Variants in MLLT10 observed in about 807,000 individuals in gnomAD.
The protein encoded by MLLT10 is protein AF-10.
MLLT10 carries 30 observed loss-of-function variants against 129.1 expected under a neutral mutation model. The ratio of observed to expected loss-of-function variants is 0.23; its 90% CI spans 0.17 to 0.32. MLLT10 has a LOEUF of 0.32. MLLT10 is among the 10% of genes least tolerant of loss of function. The pLI is 1.00. For missense variants in MLLT10, 1,119 were observed against 1,268.3 expected, an observed-to-expected ratio of 0.88 and a Z score of 1.79; for synonymous variants, 490 against 446.4, an observed-to-expected ratio of 1.10 and a Z score of -1.23.
intron 3 of MLLT10, among the ~76,000 whole-genome samples, chr10:21,547,690 CA>C (rs1222031715): frequency 1.3e-5 from 2 of 151,808 alleles, no homozygotes; most frequent in Non-Finnish European, 2.9e-5. Flanking sequence ...AGGCACATGC[CA>C]CCTTGTCCGG....
intron 8 of MLLT10, among the ~76,000 whole-genome samples, chr10:21,633,620 A>C (rs1020361501): frequency 1.1e-4 from 17 of 152,184 alleles, no homozygotes; most frequent in Admixed American, 9.2e-4. Context: ...GCTTGAGCCC[A>C]GGAAGTCGAG....
intron 13 of MLLT10, among the ~76,000 whole-genome samples, chr10:21,685,181 C>A (rs969976516): frequency 6.6e-6 from 1 of 152,018 alleles, no homozygotes; most frequent in Non-Finnish European, 1.5e-5. Flanking sequence ...AAAAAGCTTT[C>A]ATTAGACAGT....
chr10:21,730,106 G>T (rs974447037), intron 16 of MLLT10, among the ~76,000 whole-genome samples: 11 of 151,136 alleles, frequency 7.3e-5, no homozygotes, highest in Non-Finnish European at 1.5e-4. Flanking sequence ...CGTCTCCCCT[G>T]CCCAACCTCC....
chr10:21,654,520 G>T (rs2049363283), intron 9 of MLLT10, among the ~76,000 whole-genome samples: 1 of 151,894 alleles, frequency 6.6e-6, no homozygotes, highest in Non-Finnish European at 1.5e-5. Context: ...AGATTTGAGT[G>T]AAGAAAAAAA....
At chr10:21,648,133 A>G (rs2131313084) in intron 8 of MLLT10, among the ~76,000 whole-genome samples, 1 of 152,312 alleles carries the variant, frequency 6.6e-6, no homozygotes, top group East Asian at 1.9e-4. Context: ...ATTTTCATAT[A>G]TAATTGACTC....
At chr10:21,693,013 A>C (rs2054024305) in intron 13 of MLLT10, among the ~76,000 whole-genome samples, 1 of 148,954 alleles carries the variant, frequency 6.7e-6, no homozygotes, top group African/African-American at 2.5e-5. Context: ...AAAGAAACAG[A>C]AAAAAAAAAT....
At position 21,673,586 on chromosome 10, in the gene MLLT10, C is replaced by A. The variant is rs138211747; in HGVS notation, c.1288C>A (p.Pro430Thr). 4 of 1,613,264 alleles carry A rather than the reference C, an allele frequency of 2.5e-6. No homozygotes were observed. In the South Asian group the frequency reaches 3.3e-5, roughly 13 times the overall value. ...TTCAACCTCAGCTGTTACTTCACAG[C>A]CTAAAAGCTTTGAAAATTCACCTGG... is the stretch of plus-strand genomic sequence containing the variant. ...LPSTSAVTSQ[P>T]KSFENSPGDL... is the part of the protein sequence containing the mutation. Residue 430 changes from proline (P) to threonine (T), a missense_variant, in exon 11 of 23, where the codon CCT (proline) becomes ACT (threonine). By Grantham distance (38) the Pro-to-Thr change is conservative. Transcript: ENST00000307729.
chr10:21,683,747 G>C (rs1264725114), intron 13 of MLLT10, among the ~76,000 whole-genome samples: 1 of 150,990 alleles, frequency 6.6e-6, no homozygotes, highest in African/African-American at 2.4e-5. Flanking sequence ...TGTGTTTGGG[G>C]TTTTGTTTTT....
In MLLT10 at chr10:21,579,437, CTCT is replaced by C. The variant is rs757541361; in HGVS notation, c.241-6849_241-6847del. On this transcript the variant is annotated intron_variant, in intron 3 of 22. Coordinates refer to ENST00000307729, the MANE Select transcript of MLLT10 (RefSeq NM_001195626.3). ...TTCTTTCCTGCCTCATATTCTTTCT[CTCT>C]TCTTCTTTTTAAGGCCTTTGGTTAT... Among the ~76,000 whole-genome samples the C allele has an allele frequency of 7.3e-5, 11 of 150,544 alleles. No homozygotes were observed. In the East Asian group the frequency reaches 7.8e-4, roughly 11 times the overall value.
chr10:21,673,205 A>G, intron 10 of MLLT10, 145 bp from the exon 11 acceptor site: 1 of 468,610 alleles, frequency 2.1e-6, no homozygotes, highest in South Asian at 5.8e-5. Context: ...TAATATACGA[A>G]TGTCCTAAGT....
chr10:21,553,535 C>T (rs1294128893), intron 3 of MLLT10, among the ~76,000 whole-genome samples: 4 of 151,618 alleles, frequency 2.6e-5, no homozygotes, highest in African/African-American at 9.7e-5. Flanking sequence ...CCATATTGGC[C>T]AGGCTGGTCT....
At position 21,716,428 on chromosome 10, in the gene MLLT10, C is replaced by T. The variant is rs376960473; in HGVS notation, c.1878+2478C>T. ...TAATTCTAGGCTGGGCGTGGTGGCT[C>T]ATGCCTGTAATCCCAGCACTTTGGG... On this transcript the variant is annotated intron_variant, in intron 14 of 22. Coordinates refer to ENST00000307729, the MANE Select transcript of MLLT10 (RefSeq NM_001195626.3). Among the ~76,000 whole-genome samples, 7 of 152,302 alleles carry T rather than the reference C, an allele frequency of 4.6e-5. No individual in the cohort carries two copies. In the East Asian group the frequency reaches 7.7e-4, roughly 17 times the overall value.
At chr10:21,612,765 A>G (rs762550364) in intron 6 of MLLT10, among the ~76,000 whole-genome samples, 30 of 152,234 alleles carry the variant, frequency 2.0e-4, no homozygotes, top group Non-Finnish European at 1.8e-4. Flanking sequence ...TAATCTAGGT[A>G]AGCTTAGTGC....
intron 13 of MLLT10, among the ~76,000 whole-genome samples, chr10:21,684,248 A>G (rs1202156550): frequency 6.6e-6 from 1 of 152,012 alleles, no homozygotes; most frequent in Non-Finnish European, 1.5e-5. Context: ...TTTTTCTCAC[A>G]CTATTTTCTC....
chr10:21,717,639 TTTTC>T (rs2056750581), intron 14 of MLLT10, among the ~76,000 whole-genome samples: 1 of 102,914 alleles, frequency 9.7e-6, no homozygotes, highest in Non-Finnish European at 2.1e-5. Context: ...CTCCTCCTCC[TTTTC>T]CTCCTCCTCT....
At chr10:21,593,926 TAAAAAAAAAAAAAAAAAAAAA>T (rs61561146) in intron 4 of MLLT10, among the ~76,000 whole-genome samples, 1 of 45,408 alleles carries the variant, frequency 2.2e-5, no homozygotes, top group Admixed American at 2.3e-4. Context: ...GCTTTGTCTT[TAAAAAAAAAAAAAAAAAAAAA>T]AAAAAAAAAA....
chr10:21,689,158 T>C (rs2053577432), intron 13 of MLLT10, among the ~76,000 whole-genome samples: 1 of 152,086 alleles, frequency 6.6e-6, no homozygotes, highest in African/African-American at 2.4e-5. Flanking sequence ...GACAAGAATA[T>C]ATTAGGTTCT....
chr10:21,604,757 C>T (rs944351956), intron 5 of MLLT10, among the ~76,000 whole-genome samples: 1 of 151,950 alleles, frequency 6.6e-6, no homozygotes, highest in Non-Finnish European at 1.5e-5. Context: ...AGGACAAATT[C>T]CATTCAGTTC....
At chr10:21,717,879 CCTCCTCCTT>C (rs2056843642) in intron 14 of MLLT10, among the ~76,000 whole-genome samples, 4 of 145,130 alleles carry the variant, frequency 2.8e-5, no homozygotes, top group Admixed American at 2.0e-4. Flanking sequence ...TCCTCCTTCT[CCTCCTCCTT>C]CTCCTCCTCC....
Sources: gnomAD v4.1 joint callset for allele counts (sites outside exome capture counted in the v4.1 genomes callset) on GRCh38, gnomAD v4.1.1 for gene constraint, MANE v1.5 for transcripts, NCBI Gene and HGNC (gene_info 2026-07-23, HGNC 2026-07-21) for gene names.